CACNA1D: variants seen among roughly 807,000 people sequenced by gnomAD.
The protein encoded by CACNA1D is calcium voltage-gated channel subunit alpha1 D.
A neutral mutation model predicts 257.1 loss-of-function variants in CACNA1D; 55 were observed. The observed-to-expected ratio is 0.21, with a 90% CI of 0.17 to 0.27. The LOEUF is 0.27. Ranked by LOEUF, CACNA1D falls within the 10% of genes least tolerant of loss-of-function variation. The pLI, the probability that CACNA1D is intolerant of heterozygous loss-of-function variation, is 1.00. For missense variants in CACNA1D, 1,876 were observed against 2,784.0 expected (o/e 0.67, Z 7.34); for synonymous variants, 980 against 1,014.9 (o/e 0.97, Z 0.65).
At chr3:53,730,579 T>C in intron 16 of CACNA1D, 23 bp downstream of exon 16, 1 of 1,546,424 alleles carries the variant, frequency 6.5e-7, no homozygotes, top group Non-Finnish European at 8.9e-7. Context: ...TCCCCTGACG[T>C]GTTTGTCCAG....
At chr3:53,636,746 T>G (rs1196186462) in intron 3 of CACNA1D, among the ~76,000 whole-genome samples, 3 of 152,256 alleles carry the variant, frequency 2.0e-5, no homozygotes, top group Non-Finnish European at 4.4e-5. Flanking sequence ...CAATCCTCTC[T>G]CCTCCATTAC....
intron 7 of CACNA1D, among the ~76,000 whole-genome samples, chr3:53,671,177 A>G (rs1182264425): frequency 6.6e-6 from 1 of 152,230 alleles, no homozygotes; most frequent in African/African-American, 2.4e-5. Context: ...CCTCCCAAGT[A>G]GAGAAGACAG....
At chr3:53,641,576 A>G (rs2093950481) in intron 3 of CACNA1D, among the ~76,000 whole-genome samples, 2 of 152,048 alleles carry the variant, frequency 1.3e-5, no homozygotes, top group Non-Finnish European at 2.9e-5. Flanking sequence ...TTAGAGGTGA[A>G]GCTGGGTGCG....
intron 3 of CACNA1D, among the ~76,000 whole-genome samples, chr3:53,520,858 C>A: frequency 1.4e-5 from 1 of 73,146 alleles, no homozygotes; most frequent in Non-Finnish European, 2.5e-5. Flanking sequence ...TCCTTTCTTT[C>A]TTTCTTTCTT....
At chr3:53,662,774 C>T (rs1192950971) in intron 5 of CACNA1D, among the ~76,000 whole-genome samples, 6 of 152,204 alleles carry the variant, frequency 3.9e-5, no homozygotes, top group Non-Finnish European at 1.5e-5. Flanking sequence ...TCGGATACAA[C>T]TTTATCATCT....
intron 40 of CACNA1D, among the ~76,000 whole-genome samples, chr3:53,795,732 T>C (rs1478629466): frequency 6.6e-6 from 1 of 152,210 alleles, no homozygotes; most frequent in African/African-American, 2.4e-5. Flanking sequence ...TTACAACGAA[T>C]CAGATTCCTG....
chr3:53,777,712 C>T (rs1287569801), intron 37 of CACNA1D, among the ~76,000 whole-genome samples: 2 of 152,298 alleles, frequency 1.3e-5, no homozygotes, highest in South Asian at 2.1e-4. Context: ...TGCTGGCACA[C>T]TAGGCTCTAG....
chr3:53,696,745 C>T (rs1302401436), intron 8 of CACNA1D, among the ~76,000 whole-genome samples: 2 of 152,038 alleles, frequency 1.3e-5, no homozygotes, highest in East Asian at 1.9e-4. Context: ...CACAGGGTTG[C>T]GGAATTGAGA....
chr3:53,614,126 C>A (rs376402238), intron 3 of CACNA1D, among the ~76,000 whole-genome samples: 610 of 108,258 alleles, frequency 5.6e-3, no homozygotes, highest in Admixed American at 7.7e-3. Flanking sequence ...GCCCCCAACT[C>A]AAAAAAAAAA....
chr3:53,797,323 C>G lies in CACNA1D; in HGVS notation c.4924-2926C>G, dbSNP rs541565708. On this transcript the variant is annotated intron_variant, in intron 40 of 47. Coordinates refer to ENST00000350061, the MANE Select transcript of CACNA1D (RefSeq NM_001128840.3). ...AACATCTGTTTCCCTCACTCCCAGT[C>G]GTGGGGGACAGCCTGACCTGGCCCT... Among the ~76,000 whole-genome samples the G allele has an allele frequency of 5.1e-4, 77 of 152,272 alleles. 1 individual carries two copies. The highest frequency in any genetic ancestry group is 8.3e-4 in the South Asian group (4 of 4,818).
At chr3:53,729,136 C>T (rs546012643) in intron 15 of CACNA1D, among the ~76,000 whole-genome samples, 7 of 152,326 alleles carry the variant, frequency 4.6e-5, no homozygotes, top group Admixed American at 2.6e-4. Context: ...GAGGAATGCT[C>T]ATGTTACCAA....
chr3:53,772,791 G>T, intron 32 of CACNA1D, 42 bp from the exon 33 acceptor site: 1 of 1,546,624 alleles, frequency 6.5e-7, no homozygotes. Flanking sequence ...CCGTCACGGG[G>T]ACAGCCGGCT....
chr3:53,573,239 C>T (rs921305618), intron 3 of CACNA1D, among the ~76,000 whole-genome samples: 1 of 152,180 alleles, frequency 6.6e-6, no homozygotes, highest in Non-Finnish European at 1.5e-5. Context: ...TCTGTGCCAA[C>T]TGCTGGCAGG....
chr3:53,513,571 T>A (rs2091209527), intron 3 of CACNA1D, among the ~76,000 whole-genome samples: 1 of 152,160 alleles, frequency 6.6e-6, no homozygotes, highest in African/African-American at 2.4e-5. Context: ...GTGATGGAGA[T>A]TGCAGTAAGC....
chr3:53,682,140 A>T (rs1383344092), intron 8 of CACNA1D, among the ~76,000 whole-genome samples: 1 of 152,130 alleles, frequency 6.6e-6, no homozygotes, highest in Admixed American at 6.5e-5. Flanking sequence ...TCTAAAAATT[A>T]TGCTGTATTC....
rs1208547873 is a variant in CACNA1D at position 53,623,531 on chromosome 3, G to T, written c.484-27248G>T. Among the ~76,000 whole-genome samples the T allele has an allele frequency of 1.6e-4, 24 of 152,214 alleles. 1 individual carries two copies. Among genetic ancestry groups the T allele is most frequent in the Non-Finnish European group, 1.5e-5 (1 of 68,044 alleles). On this transcript the variant is annotated intron_variant, in intron 3 of 47. Transcript: ENST00000350061. ...CTTCTCTGTGTATTTGAAGATGTTT[G>T]TAATACAGGTTGGAATAAATATGCT...
chr3:53,637,882 C>G (rs1325748367), intron 3 of CACNA1D, among the ~76,000 whole-genome samples: 1 of 152,182 alleles, frequency 6.6e-6, no homozygotes, highest in Non-Finnish European at 1.5e-5. Flanking sequence ...CTTGGTAATA[C>G]TAAAGCAATG....
intron 46 of CACNA1D, 186 bp downstream of exon 46, chr3:53,808,956 C>G (rs1173804720): frequency 1.5e-6 from 1 of 653,974 alleles, no homozygotes; most frequent in East Asian, 2.8e-5. Context: ...GCTGCCCAAG[C>G]TCACACAAGT....
rs770062136 is a variant in CACNA1D, at chr3:53,789,465, G to A, written c.4923+2513G>A. On this transcript the variant is annotated intron_variant, in intron 40 of 47. Transcript: ENST00000350061. The surrounding 1 kb of genome is among the most constrained non-coding windows in gnomAD (Gnocchi z 4.2). ...GTTTAATTAGCATGAGTAGGCTTTC[G>A]TTTCTGCGTGATGAAATACCGGGTG... 8.5e-5 allele frequency among the ~76,000 whole-genome samples: 13 copies of A among 152,194 alleles called. No individual in the cohort carries two copies. Among genetic ancestry groups the A allele is most frequent in the African/African-American group, 1.9e-4 (8 of 41,446 alleles).
Sources: allele counts gnomAD v4.1 joint callset (sites outside exome capture counted in the v4.1 genomes callset), GRCh38; gene constraint gnomAD v4.1.1; non-coding constraint Gnocchi (gnomAD v3.1); transcripts MANE v1.5; gene names NCBI Gene and HGNC (gene_info 2026-07-23, HGNC 2026-07-21).